SLC35A3: variants seen among roughly 807,000 people sequenced by gnomAD.
The protein encoded by SLC35A3 is UDP-N-acetylglucosamine transporter.
SLC35A3 carries 26 observed loss-of-function variants against 39.0 expected under a neutral mutation model. That is an observed-to-expected ratio of 0.67 (90% CI 0.49 to 0.92). The LOEUF (loss-of-function observed/expected upper bound fraction) is 0.92. Ranked by LOEUF, SLC35A3 falls within the 40% of genes least tolerant of loss-of-function variation. SLC35A3 has a pLI of 0.00. For synonymous variants in SLC35A3, 135 were observed against 133.1 expected, an observed-to-expected ratio of 1.01 and a Z score of -0.10; for missense variants, 299 against 371.6, an observed-to-expected ratio of 0.80 and a Z score of 1.61.
intron 1 of SLC35A3, among the ~76,000 whole-genome samples, chr1:99,976,158 C>A (rs199735856): frequency 6.6e-5 from 10 of 152,126 alleles, no homozygotes; most frequent in Non-Finnish European, 1.5e-4. Context: ...GAGTTGAGAG[C>A]GTCTGAAGCT....
intron 1 of SLC35A3, among the ~76,000 whole-genome samples, chr1:99,980,733 T>G (rs1242097192): frequency 1.3e-5 from 2 of 148,434 alleles, no homozygotes; most frequent in Non-Finnish European, 3.0e-5. Flanking sequence ...AGCCTGTAAG[T>G]TATAGAGTTG....
At chr1:99,984,928 G>C (rs572049464) in intron 1 of SLC35A3, among the ~76,000 whole-genome samples, 16 of 152,062 alleles carry the variant, frequency 1.1e-4, no homozygotes, top group Non-Finnish European at 2.1e-4. Context: ...TTTTGGATGG[G>C]ATTCTTTGTT....
intron 1 of SLC35A3, among the ~76,000 whole-genome samples, chr1:99,991,650 A>G (rs1254176663): frequency 1.3e-5 from 2 of 152,234 alleles, no homozygotes; most frequent in Non-Finnish European, 2.9e-5. Context: ...TTGCATCTTC[A>G]GTTAAATCTA....
At chr1:100,009,309 AG>A (rs2101340145) in intron 4 of SLC35A3, 1 of 152,348 alleles carries the variant, frequency 6.6e-6, no homozygotes, top group South Asian at 2.1e-4. Context: ...CAGCAGAAAA[AG>A]CATTACATAA....
At chr1:100,017,908 C>A (rs974650630) in intron 7 of SLC35A3, 93 bp downstream of exon 7, 1 of 646,412 alleles carries the variant, frequency 1.5e-6, no homozygotes, top group Non-Finnish European at 2.5e-6. Context: ...TGAAGAAGCA[C>A]TGAAATATAA....
At chr1:99,984,883 C>G (rs1011034113) in intron 1 of SLC35A3, among the ~76,000 whole-genome samples, 1 of 152,016 alleles carries the variant, frequency 6.6e-6, no homozygotes, top group African/African-American at 2.4e-5. Context: ...TGTATATCTT[C>G]TTTTGAGAAT....
chr1:99,973,043 C>T (rs992778707), intron 1 of SLC35A3, among the ~76,000 whole-genome samples: 3 of 152,110 alleles, frequency 2.0e-5, no homozygotes, highest in South Asian at 2.1e-4. Context: ...ACATTTTGCT[C>T]GAGTGATTGG....
intron 4 of SLC35A3, 81 bp from the exon 5 acceptor site, chr1:100,011,284 T>A (rs1659615536): frequency 1.7e-6 from 1 of 598,910 alleles, no homozygotes; most frequent in African/African-American, 1.9e-5. Flanking sequence ...TTTTAAGTTA[T>A]GGTCTAAGAG....
At chr1:100,000,882 T>G (rs1239711451) in intron 3 of SLC35A3, 2 of 152,130 alleles carry the variant, frequency 1.3e-5, no homozygotes, top group Non-Finnish European at 2.9e-5. Context: ...GGGTTTTTTT[T>G]TTATATGGTG....
At position 99,993,625 on chromosome 1, in the gene SLC35A3, T is replaced by A; in HGVS notation, c.71T>A (p.Met24Lys). 1 of 1,614,094 alleles carries A rather than the reference T, an allele frequency of 6.2e-7. No individual in the cohort carries two copies. Among genetic ancestry groups the A allele is most frequent in the Non-Finnish European group, 8.5e-7 (1 of 1,179,966 alleles). ...CAGACTACCAGTTTGGTTCTAACAA[T>A]GCGTTATTCCAGAACTTTAAAAGAA... The part of the protein sequence containing the change: ...VFQTTSLVLT[M>K]RYSRTLKEEG... The change falls in exon 2 of 8, where the codon ATG becomes AAG. Residue 24 changes from methionine (M) to lysine (K), a missense_variant. Met to Lys is a moderately conservative substitution (Grantham distance 95). Transcript: ENST00000533028.
intron 7 of SLC35A3, among the ~76,000 whole-genome samples, chr1:100,021,896 G>C (rs1660574866): frequency 6.6e-6 from 1 of 152,068 alleles, no homozygotes; most frequent in Admixed American, 6.5e-5. Context: ...CTTTACCTTG[G>C]TTTAACATGA....
At position 100,002,182 on chromosome 1, in the gene SLC35A3, A is replaced by G. The variant is rs1440735444; in HGVS notation, c.342+2767A>G. Among the ~76,000 whole-genome samples the G allele has an allele frequency of 2.6e-5, 4 of 152,158 alleles. No individual in the cohort carries two copies. In the East Asian group the frequency reaches 7.7e-4, roughly 29 times the overall value. ...TTGATTTTTTTGGAATAGTTTGAGGAGAATTGGTGTTAGTTCTTCTTTATA... is the reference window on the plus strand; with the variant it reads ...TTGATTTTTTTGGAATAGTTTGAGGGGAATTGGTGTTAGTTCTTCTTTATA... On this transcript the variant is annotated intron_variant, in intron 3 of 7. Coordinates refer to ENST00000533028, the MANE Select transcript of SLC35A3 (RefSeq NM_012243.3).
chr1:99,989,938 G>A (rs1290732718), intron 1 of SLC35A3, among the ~76,000 whole-genome samples: 2 of 151,702 alleles, frequency 1.3e-5, no homozygotes, highest in African/African-American at 4.8e-5. Context: ...CTATTTTTTT[G>A]TAGAACTGAG....
rs1660906718 is a variant in SLC35A3, at chr1:100,026,271, TATTTA to T, written c.*3799_*3803del. On this transcript the variant is annotated 3_prime_UTR_variant, in exon 8 of 8. Coordinates refer to ENST00000533028, the MANE Select transcript of SLC35A3 (RefSeq NM_012243.3). Reference sequence around the variant, plus strand: ...TTTGATTTACACATTCACATTATAATATTTAATTATCATGGGTGTATGCTTTACAT... The same window carrying T: ...TTTGATTTACACATTCACATTATAATATTATCATGGGTGTATGCTTTACAT... 6.6e-6 allele frequency: 1 copy of T among 152,196 alleles called. No individual in the cohort carries two copies. The highest frequency in any genetic ancestry group is 2.4e-5 in the African/African-American group (1 of 41,464). The allele number at this position is 152,196 out of a possible 1,614,324, so 9.4% of individuals were successfully genotyped here.
chr1:100,022,336 C>G (rs1660612565), intron 7 of SLC35A3, 50 bp from the exon 8 acceptor site: 1 of 997,412 alleles, frequency 1.0e-6, no homozygotes, highest in South Asian at 1.4e-5. Context: ...GGAACTTGTT[C>G]TGCTTTTAAT....
intron 1 of SLC35A3, among the ~76,000 whole-genome samples, chr1:99,982,664 A>G (rs183635008): frequency 1.0e-3 from 157 of 152,304 alleles, no homozygotes; most frequent in African/African-American, 3.6e-3. Flanking sequence ...TAATTACTGA[A>G]AATATCTTTG....
At chr1:100,021,244 A>T (rs770227985) in intron 7 of SLC35A3, among the ~76,000 whole-genome samples, 86 of 152,132 alleles carry the variant, frequency 5.7e-4, no homozygotes, top group Non-Finnish European at 9.1e-4. Context: ...CACACTGGTA[A>T]TCCCAGCTAG....
chr1:99,995,884 T>C (rs1490902194), intron 2 of SLC35A3, among the ~76,000 whole-genome samples: 1 of 152,038 alleles, frequency 6.6e-6, no homozygotes, highest in Non-Finnish European at 1.5e-5. Context: ...AGAAGCAAAA[T>C]AGAAAGATAA....
intron 5 of SLC35A3, among the ~76,000 whole-genome samples, chr1:100,014,946 C>T (rs1659958546): frequency 6.6e-6 from 1 of 152,052 alleles, no homozygotes; most frequent in African/African-American, 2.4e-5. Context: ...ATCATGAGGT[C>T]AGGAGATCGA....
Sources: gnomAD v4.1 joint callset for allele counts (sites outside exome capture counted in the v4.1 genomes callset) on GRCh38, gnomAD v4.1.1 for gene constraint, MANE v1.5 for transcripts, NCBI Gene and HGNC (gene_info 2026-07-23, HGNC 2026-07-21) for gene names.